Variants in EPB41L5 observed in about 807,000 individuals in gnomAD.
EPB41L5 encodes band 4.1-like protein 5.
In EPB41L5, 55 loss-of-function variants were observed where a neutral mutation model predicts 106.6. The observed-to-expected ratio is 0.52, with a 90% CI of 0.42 to 0.65. The LOEUF is 0.65. Ranked by LOEUF, EPB41L5 falls within the 30% of genes least tolerant of loss-of-function variation. The pLI, the probability that EPB41L5 is intolerant of heterozygous loss-of-function variation, is 0.00. For missense variants in EPB41L5, 871 were observed against 882.1 expected, an observed-to-expected ratio of 0.99 and a Z score of 0.16; for synonymous variants, 297 against 306.7, an observed-to-expected ratio of 0.97 and a Z score of 0.33.
At chr2:120,113,791 A>G (rs1684830638) in intron 16 of EPB41L5, among the ~76,000 whole-genome samples, 1 of 152,160 alleles carries the variant, frequency 6.6e-6, no homozygotes, top group Non-Finnish European at 1.5e-5. Context: ...TCTGACTTTC[A>G]CTTGGTATGG....
chr2:120,127,393 G>A (rs915094878), intron 16 of EPB41L5, among the ~76,000 whole-genome samples: 2 of 152,090 alleles, frequency 1.3e-5, no homozygotes, highest in Non-Finnish European at 2.9e-5. Context: ...CCGCAGACGC[G>A]CAAGTGCCTT....
chr2:120,116,886 G>A (rs906656499), intron 16 of EPB41L5, among the ~76,000 whole-genome samples: 8 of 151,976 alleles, frequency 5.3e-5, no homozygotes, highest in Non-Finnish European at 4.4e-5. Context: ...AAATACACTA[G>A]TGTGTTTGTG....
At chr2:120,105,886 G>T (rs1295031661) in intron 16 of EPB41L5, 1 of 985,086 alleles carries the variant, frequency 1.0e-6, no homozygotes, top group Non-Finnish European at 1.2e-6. Flanking sequence ...TGCCATTCAA[G>T]AAAAGGTTTC....
At chr2:120,119,650 G>A (rs997462035) in intron 16 of EPB41L5, among the ~76,000 whole-genome samples, 89 of 151,342 alleles carry the variant, frequency 5.9e-4, no homozygotes, top group African/African-American at 1.8e-3. Context: ...TTTAACACAT[G>A]CCAAAGATTT....
intron 2 of EPB41L5, among the ~76,000 whole-genome samples, chr2:120,034,802 C>G (rs1045508624): frequency 6.6e-6 from 1 of 152,164 alleles, no homozygotes; most frequent in Non-Finnish European, 1.5e-5. Flanking sequence ...GAGGTCAAGG[C>G]TGTGGTGAGC....
Position 120,077,313 on chromosome 2 carries a change from C to T in EPB41L5, c.711C>T (p.Val237=). The change falls in exon 9 of 25, where the codon GTC becomes GTT. Residue 237 remains valine, a synonymous_variant. Transcript: ENST00000263713. Reference sequence around the variant, plus strand: ...TGTATGGGGTTGATATGCATGTGGTCAAGGTAAGCATTGTGTTGTGATGCT... The same window carrying T: ...TGTATGGGGTTGATATGCATGTGGTTAAGGTAAGCATTGTGTTGTGATGCT... The part of the protein sequence containing the change: ...LEMYGVDMHV[V]KARDGNDYSL... 1 of 1,608,820 alleles carries T rather than the reference C, an allele frequency of 6.2e-7. No individual in the cohort carries two copies. The highest frequency in any genetic ancestry group is 8.5e-7 in the Non-Finnish European group (1 of 1,177,258).
At chr2:120,013,238 G>T (rs1677249650) in intron 1 of EPB41L5, 28 bp downstream of exon 1, 1 of 152,464 alleles carries the variant, frequency 6.6e-6, no homozygotes, top group South Asian at 2.1e-4. Flanking sequence ...CGGCGGCGCC[G>T]CAGTACAGTC....
chr2:120,107,122 A>G (rs1405701916), intron 16 of EPB41L5, among the ~76,000 whole-genome samples: 2 of 151,928 alleles, frequency 1.3e-5, no homozygotes, highest in Non-Finnish European at 2.9e-5. Flanking sequence ...GTACATCGCC[A>G]GGTTGGATCT....
intron 20 of EPB41L5, among the ~76,000 whole-genome samples, chr2:120,147,353 T>C (rs1187628176): frequency 2.0e-5 from 3 of 152,028 alleles, no homozygotes; most frequent in Middle Eastern, 3.2e-3. Flanking sequence ...TGGTTTTTTT[T>C]CTAAGGGGCC....
intron 20 of EPB41L5, among the ~76,000 whole-genome samples, chr2:120,147,498 G>A (rs931013116): frequency 1.2e-4 from 19 of 152,050 alleles, no homozygotes; most frequent in Admixed American, 6.5e-4. Flanking sequence ...GGTGGCGCAC[G>A]CCTGTAATCC....
At chr2:120,094,351 C>CT (rs1458137165) in intron 14 of EPB41L5, among the ~76,000 whole-genome samples, 4 of 151,756 alleles carry the variant, frequency 2.6e-5, no homozygotes, top group Non-Finnish European at 5.9e-5. Context: ...AGTTTTATCT[C>CT]TTTTATCTGT....
At chr2:120,084,455 T>C (rs1367159924) in intron 10 of EPB41L5, among the ~76,000 whole-genome samples, 3 of 152,146 alleles carry the variant, frequency 2.0e-5, no homozygotes, top group Admixed American at 6.6e-5. Flanking sequence ...TATTGGCCCC[T>C]AGTCTCTTCT....
chr2:120,093,379 C>T lies in EPB41L5; in HGVS notation c.1178+103C>T, dbSNP rs192954687. On this transcript the variant is annotated intron_variant, in intron 14 of 24. Coordinates refer to ENST00000263713, the MANE Select transcript of EPB41L5 (RefSeq NM_020909.4). ...AGACCTATCAAAATGTCAAGTTGTC[C>T]GTAAAGCACCAGGGATATGTCAGGG... is the stretch of plus-strand genomic sequence containing the variant. The T allele has an allele frequency of 3.0e-5, 28 of 918,604 alleles. No homozygotes were observed. In the East Asian group the frequency reaches 5.1e-4, roughly 17 times the overall value. 56.9% of individuals were successfully genotyped at this position (918,604 alleles called of 1,614,324 possible). A position where few individuals can be genotyped will look rare whatever the true frequency, so the allele number is the denominator to read the frequency against.
intron 3 of EPB41L5, among the ~76,000 whole-genome samples, chr2:120,043,742 T>C (rs1679578905): frequency 1.3e-5 from 2 of 152,108 alleles, no homozygotes; most frequent in African/African-American, 4.8e-5. Context: ...TGTGAGACCC[T>C]ATTTCTAAAA....
Position 120,019,101 on chromosome 2 carries a change from G to T in EPB41L5, c.17G>T (p.Arg6Leu). Residue 6 changes from arginine to leucine, a missense_variant, in exon 2 of 25, where the codon CGT becomes CTT. By Grantham distance (102) the Arg-to-Leu change is moderately radical (BLOSUM62 -2). Transcript: ENST00000263713. MLSFF[R>L]RTLGRRSMRK... is the part of the protein sequence containing the mutation. ...GTGACAAAAATGCTGAGTTTCTTCC[G>T]TAGAACACTAGGGCGTCGGTCTATG... 1.2e-6 allele frequency: 2 copies of T among 1,601,994 alleles called. No homozygotes were observed. Among genetic ancestry groups the T allele is most frequent in the African/African-American group, 1.4e-5 (1 of 73,994 alleles).
At chr2:120,014,150 T>C (rs779754468) in intron 1 of EPB41L5, among the ~76,000 whole-genome samples, 1 of 152,254 alleles carries the variant, frequency 6.6e-6, no homozygotes, top group Non-Finnish European at 1.5e-5. Context: ...GTTATATTGC[T>C]TTATCAAAAA....
intron 3 of EPB41L5, among the ~76,000 whole-genome samples, chr2:120,064,681 G>A (rs1314099860): frequency 6.6e-6 from 1 of 152,172 alleles, no homozygotes; most frequent in Non-Finnish European, 1.5e-5. Context: ...GAAATAGAAG[G>A]GAAGTTGTCT....
chr2:120,077,759 G>A (rs1001868549), intron 9 of EPB41L5, among the ~76,000 whole-genome samples: 1 of 152,090 alleles, frequency 6.6e-6, no homozygotes, highest in Non-Finnish European at 1.5e-5. Context: ...GTTATTTCTA[G>A]TTTAACTAGT....
chr2:120,168,253 TGTAATA>T (rs1332192306), intron 24 of EPB41L5, among the ~76,000 whole-genome samples: 2 of 152,246 alleles, frequency 1.3e-5, no homozygotes, highest in Non-Finnish European at 2.9e-5. Flanking sequence ...GGCTTATCTT[TGTAATA>T]GTTGTTTTAA....
Sources: gnomAD v4.1 joint callset for allele counts (sites outside exome capture counted in the v4.1 genomes callset) on GRCh38, gnomAD v4.1.1 for gene constraint, MANE v1.5 for transcripts, NCBI Gene and HGNC (gene_info 2026-07-23, HGNC 2026-07-21) for gene names.